The following ZAN variants were observed in gnomAD, a reference collection of about 807,000 sequenced individuals.
ZAN encodes zonadhesin (gene/pseudogene).
A neutral mutation model predicts 286.2 loss-of-function variants in ZAN; 260 were observed. The ratio of observed to expected loss-of-function variants is 0.91; its 90% CI spans 0.82 to 1.01. The LOEUF is 1.01. ZAN is among the 50% of genes least tolerant of loss of function. The pLI is 0.00. For missense variants in ZAN, 3,410 were observed against 3,639.2 expected, an observed-to-expected ratio of 0.94 and a Z score of 1.62; for synonymous variants, 1,368 against 1,417.5, an observed-to-expected ratio of 0.97 and a Z score of 0.79.
rs77203493 is a variant in ZAN, at chr7:100,782,134, T to C, written c.6622+2384T>C. ...CTTTATCTGTTATGGAAAGTAGACC[T>C]TTATTAGTGCTCTGAGTTACACAAA... On this transcript the variant is annotated intron_variant, in intron 35 of 47. Coordinates refer to ENST00000613979, the MANE Select transcript of ZAN (RefSeq NM_003386.3). 6.8e-3 allele frequency among the ~76,000 whole-genome samples: 1,030 copies of C among 152,238 alleles called. 10 individuals are homozygous for C. The highest frequency in any genetic ancestry group is 0.023 in the African/African-American group (966 of 41,554).
rs191137 is a variant in ZAN, at chr7:100,789,278, T to C, written c.7288T>C (p.Trp2430Arg). The change falls in exon 39 of 48, where the codon TGG (tryptophan) becomes CGG (arginine). Residue 2430 changes from tryptophan to arginine, a missense_variant. Transcript: ENST00000613979. ...RPNEHLRVTL[W>R]GQRLYLVTDF... ...AAATGAACACCTGCGGGTCACCCTG[T>C]GGGGCCAACGGCTCTACCTGGTCAC... 0.93 allele frequency: 1,501,401 copies of C among 1,613,792 alleles called. 698,694 individuals are homozygous for C. The highest frequency in any genetic ancestry group is 0.95 in the East Asian group (42,810 of 44,880).
At chr7:100,737,805 C>T (rs1308991894) in intron 6 of ZAN, among the ~76,000 whole-genome samples, 1 of 139,392 alleles carries the variant, frequency 7.2e-6, no homozygotes, top group Non-Finnish European at 1.6e-5. Context: ...GCAGCCGTGC[C>T]TAAAGAGAGG....
At chr7:100,758,171 G>A (rs145088758) in intron 15 of ZAN, 31 bp from the exon 16 acceptor site, 1 of 1,596,646 alleles carries the variant, frequency 6.3e-7, no homozygotes, top group East Asian at 2.2e-5. Context: ...GGAGCTATAT[G>A]ACTGTGTGAC....
At chr7:100,765,939 G>A (rs1266586453) in intron 23 of ZAN, among the ~76,000 whole-genome samples, 2 of 151,800 alleles carry the variant, frequency 1.3e-5, no homozygotes, top group African/African-American at 2.4e-5. Context: ...TTACAGGCAT[G>A]AGCCACCATG....
chr7:100,746,485 G>A lies in ZAN; in HGVS notation c.767-53G>A, dbSNP rs1808226393. 6.3e-6 allele frequency: 10 copies of A among 1,599,012 alleles called. 1 individual carries two copies. The South Asian group carries it at 1.0e-4, about 16-fold the overall frequency. ...GCCTCCTCAGGGCCCTATCTCTGCTGCCATCTTCCCTCAATTCCATCCACC... is the reference window on the plus strand; with the variant it reads ...GCCTCCTCAGGGCCCTATCTCTGCTACCATCTTCCCTCAATTCCATCCACC... On this transcript the variant is annotated intron_variant, in intron 7 of 47. Transcript: ENST00000613979.
In ZAN at chr7:100,745,252, G is replaced by A; in HGVS notation, c.767-1286G>A. Among the ~76,000 whole-genome samples, 2 of 151,382 alleles carry A rather than the reference G, an allele frequency of 1.3e-5. 1 individual carries two copies. The highest frequency in any genetic ancestry group is 2.9e-5 in the Non-Finnish European group (2 of 67,864). On this transcript the variant is annotated intron_variant, in intron 7 of 47. Coordinates refer to ENST00000613979, the MANE Select transcript of ZAN (RefSeq NM_003386.3). Reference sequence around the variant, plus strand: ...TTCCCTTCCCTCTTCCTTCCCGGTTGTTTCCTTTCTTCTCCTTCCTCCCGC... The same window carrying A: ...TTCCCTTCCCTCTTCCTTCCCGGTTATTTCCTTTCTTCTCCTTCCTCCCGC...
At chr7:100,797,130 ACT>A (rs914423644) in intron 45 of ZAN, among the ~76,000 whole-genome samples, 6 of 151,900 alleles carry the variant, frequency 3.9e-5, no homozygotes, top group African/African-American at 1.5e-4. Flanking sequence ...ATAGAGCCAG[ACT>A]CTGTCTAAAA....
In ZAN at chr7:100,797,796, G is replaced by A; in HGVS notation, c.*64G>A. 2 of 1,566,156 alleles carry A rather than the reference G, an allele frequency of 1.3e-6. No individual in the cohort carries two copies. The highest frequency in any genetic ancestry group is 1.2e-5 in the South Asian group (1 of 86,952). Reference sequence around the variant, plus strand: ...AATAAATTTATATATTTATTTATTTGAGACAGGGTCTTGCTCTGTCGCCAG... The same window carrying A: ...AATAAATTTATATATTTATTTATTTAAGACAGGGTCTTGCTCTGTCGCCAG... On this transcript the variant is annotated 3_prime_UTR_variant, in exon 48 of 48. Coordinates refer to ENST00000613979, the MANE Select transcript of ZAN (RefSeq NM_003386.3).
chr7:100,772,068 AT>A (rs1810406522), intron 29 of ZAN, 48 bp downstream of exon 29: 1 of 1,490,966 alleles, frequency 6.7e-7, no homozygotes, highest in Non-Finnish European at 8.9e-7. Flanking sequence ...ACCCTCCAGA[AT>A]TCTGCCCTCC....
chr7:100,765,828 T>C (rs773726488), intron 23 of ZAN, among the ~76,000 whole-genome samples: 3 of 151,992 alleles, frequency 2.0e-5, no homozygotes, highest in Admixed American at 6.6e-5. Context: ...CTTGTATTTT[T>C]AGTAGAGACG....
intron 7 of ZAN, among the ~76,000 whole-genome samples, chr7:100,743,767 C>G (rs939269150): frequency 6.6e-6 from 1 of 151,402 alleles, no homozygotes; most frequent in African/African-American, 2.4e-5. Context: ...GTCCCAGATA[C>G]TCGGGAGGCT....
intron 34 of ZAN, among the ~76,000 whole-genome samples, chr7:100,777,150 A>T (rs1307094815): frequency 1.2e-4 from 13 of 109,202 alleles, no homozygotes; most frequent in East Asian, 5.3e-4. Context: ...CTCAAGTGAT[A>T]CTCCTGCCTC....
intron 7 of ZAN, among the ~76,000 whole-genome samples, chr7:100,744,013 A>G (rs76114240): frequency 0.015 from 2,311 of 151,076 alleles, 117 homozygotes; most frequent in African/African-American, 0.052. Context: ...TGCCACGCCC[A>G]GCCTATATCT....
At position 100,766,630 on chromosome 7, in the gene ZAN, G is replaced by T; in HGVS notation, c.4576G>T (p.Gly1526Cys). 17 of 1,564,100 alleles carry T rather than the reference G, an allele frequency of 1.1e-5. No individual in the cohort carries two copies. The highest frequency in any genetic ancestry group is 1.5e-5 in the Non-Finnish European group (17 of 1,154,414). The change falls in exon 24 of 48, where the codon GGC (glycine) becomes TGC (cysteine). Residue 1526 changes from glycine to cysteine, a missense_variant. Around this residue, in one of 7 missense-constraint regions of ZAN, gnomAD observed 1,042 missense variants for 1,058.0 expected, o/e 0.98. Transcript: ENST00000613979. ...PWRCRAQEFCGQQDGIYGCHA... is the reference protein window; with the variant it reads ...PWRCRAQEFCCQQDGIYGCHA... ...GAGGTGTAGGGCCCAGGAGTTCTGT[G>T]GCCAACAGGATGGTATCTATGGCTG...
chr7:100,781,580 G>T (rs967745864), intron 35 of ZAN, among the ~76,000 whole-genome samples: 2 of 151,660 alleles, frequency 1.3e-5, no homozygotes, highest in Admixed American at 1.3e-4. Context: ...TGTGGGTCCA[G>T]TGTGACCAGA....
Position 100,749,594 on chromosome 7 carries a change from C to T in ZAN, c.1250-1031C>T, listed in dbSNP as rs569573838. The stretch of plus-strand genomic sequence containing the variant: ...GGCAGAGCTTGCAGTGAGCCGAGAT[C>T]ACGCCATTGTACTCCAGCCTGGGTG... On this transcript the variant is annotated intron_variant, in intron 11 of 47. Transcript: ENST00000613979. Among the ~76,000 whole-genome samples the T allele has an allele frequency of 2.1e-5, 3 of 146,036 alleles. 1 individual carries two copies. The highest frequency in any genetic ancestry group is 7.7e-3 in the Middle Eastern group (2 of 260).
chr7:100,776,818 T>C (rs1449864436), intron 34 of ZAN, among the ~76,000 whole-genome samples: 7 of 130,746 alleles, frequency 5.4e-5, no homozygotes, highest in Non-Finnish European at 7.9e-5. Flanking sequence ...CTGCAAGCTC[T>C]GCTTCCCGGG....
In ZAN at chr7:100,779,478, T is replaced by C; in HGVS notation, c.6350T>C (p.Ile2117Thr). Residue 2117 changes from isoleucine to threonine, a missense_variant, in exon 35 of 48, where the codon ATT becomes ACT. Coordinates refer to ENST00000613979, the MANE Select transcript of ZAN (RefSeq NM_003386.3). ...AGTCTCCTGGTAGATGAGCAGCAGA[T>C]TCCAGCGGAACAGCAGGAGAACCCG... The part of the protein sequence containing the change: ...CQSLLVDEQQ[I>T]PAEQQENPSG... The C allele has an allele frequency of 1.2e-6, 2 of 1,610,552 alleles. No homozygotes were observed. The highest frequency in any genetic ancestry group is 2.2e-5 in the South Asian group (2 of 90,830).
At chr7:100,776,364 G>C in intron 33 of ZAN, 76 bp from the exon 34 acceptor site, 1 of 1,498,056 alleles carries the variant, frequency 6.7e-7, no homozygotes, top group Non-Finnish European at 9.0e-7. Context: ...TCTCGTGAGG[G>C]AAGGAAAGAA....
Sources: allele counts gnomAD v4.1 joint callset (sites outside exome capture counted in the v4.1 genomes callset), GRCh38; gene constraint gnomAD v4.1.1; regional missense constraint gnomAD v4.1.1; transcripts MANE v1.5; gene names NCBI Gene and HGNC (gene_info 2026-07-23, HGNC 2026-07-21).